The following ADK variants were observed in gnomAD, a reference collection of about 807,000 sequenced individuals.
The protein encoded by ADK is N6,N6-dimethyladenosine kinase.
In ADK, 24 loss-of-function variants were observed where a neutral mutation model predicts 44.7. The ratio of observed to expected loss-of-function variants is 0.54; its 90% CI spans 0.39 to 0.76. The LOEUF is 0.76. ADK is among the 30% of genes least tolerant of loss of function. ADK has a pLI of 0.00. For synonymous variants in ADK, 128 were observed against 142.6 expected, an observed-to-expected ratio of 0.90 and a Z score of 0.73; for missense variants, 321 against 425.1, an observed-to-expected ratio of 0.76 and a Z score of 2.15.
intron 7 of ADK, among the ~76,000 whole-genome samples, chr10:74,544,754 C>T (rs986122134): frequency 2.6e-5 from 4 of 151,692 alleles, no homozygotes; most frequent in African/African-American, 4.8e-5. Context: ...GCATGCTACT[C>T]GGGAGGCTGA....
At chr10:74,699,080 A>G (rs940969558) in intron 10 of ADK, among the ~76,000 whole-genome samples, 7 of 149,656 alleles carry the variant, frequency 4.7e-5, no homozygotes, top group Non-Finnish European at 8.9e-5. Context: ...CTGGGCTCAA[A>G]TGATTCTCCC....
At chr10:74,658,080 A>C (rs1854557013) in intron 9 of ADK, among the ~76,000 whole-genome samples, 1 of 152,232 alleles carries the variant, frequency 6.6e-6, no homozygotes, top group African/African-American at 2.4e-5. Flanking sequence ...TTTGAACAAT[A>C]GGCTGGATTC....
chr10:74,571,651 T>C (rs1385312778), intron 7 of ADK, among the ~76,000 whole-genome samples: 2 of 152,218 alleles, frequency 1.3e-5, no homozygotes, highest in African/African-American at 4.8e-5. Context: ...TATTTTTTAT[T>C]GCGTCTATTT....
intron 2 of ADK, among the ~76,000 whole-genome samples, chr10:74,223,120 T>A (rs529286990): frequency 6.6e-6 from 1 of 152,330 alleles, no homozygotes; most frequent in South Asian, 2.1e-4. Context: ...CTTACAGTTA[T>A]GGAGGTTGAG....
chr10:74,557,565 CCTT>C (rs1850305939), intron 7 of ADK, among the ~76,000 whole-genome samples: 1 of 151,946 alleles, frequency 6.6e-6, no homozygotes, highest in East Asian at 1.9e-4. Flanking sequence ...TAAAATATGT[CCTT>C]CTAGACATAT....
At chr10:74,462,912 A>G (rs1846220430) in intron 6 of ADK, among the ~76,000 whole-genome samples, 1 of 152,170 alleles carries the variant, frequency 6.6e-6, no homozygotes, top group Non-Finnish European at 1.5e-5. Flanking sequence ...TAAAATTTAG[A>G]ATAAACATGA....
chr10:74,336,248 CAT>C (rs1389559542), intron 4 of ADK, among the ~76,000 whole-genome samples: 2 of 152,076 alleles, frequency 1.3e-5, no homozygotes, highest in Non-Finnish European at 2.9e-5. Context: ...TTTGCTTTGG[CAT>C]ATGGATATCC....
intron 4 of ADK, among the ~76,000 whole-genome samples, chr10:74,359,320 A>C (rs1842248831): frequency 6.6e-6 from 1 of 151,938 alleles, no homozygotes. Flanking sequence ...GTTCCATATG[A>C]ATTTTAGGAT....
intron 3 of ADK, among the ~76,000 whole-genome samples, chr10:74,245,581 AG>A (rs770091257): frequency 1.5e-5 from 2 of 129,490 alleles, no homozygotes; most frequent in Non-Finnish European, 3.2e-5. Flanking sequence ...CTCATTCCAT[AG>A]TTTTTGTTTT....
chr10:74,509,059 G>A (rs1454512639), intron 6 of ADK, among the ~76,000 whole-genome samples: 2 of 152,086 alleles, frequency 1.3e-5, no homozygotes, highest in African/African-American at 4.8e-5. Context: ...TGAACTCCTG[G>A]CCTCACCCTA....
chr10:74,602,204 C>T (rs1337188044), intron 9 of ADK, among the ~76,000 whole-genome samples: 1 of 150,568 alleles, frequency 6.6e-6, no homozygotes, highest in Non-Finnish European at 1.5e-5. Context: ...ATTGTGATGG[C>T]AAGAAGAACC....
chr10:74,579,234 A>T (rs1339304171), intron 7 of ADK, among the ~76,000 whole-genome samples: 1 of 78,850 alleles, frequency 1.3e-5, no homozygotes, highest in African/African-American at 6.5e-5. Context: ...ACCCTGTCTT[A>T]AAAAAAAAAA....
At chr10:74,559,254 G>A (rs1045724583) in intron 7 of ADK, among the ~76,000 whole-genome samples, 1 of 152,264 alleles carries the variant, frequency 6.6e-6, no homozygotes, top group Non-Finnish European at 1.5e-5. Context: ...CGCAACCTGG[G>A]TTGTGGGGAC....
At chr10:74,320,120 A>G (rs1840759842) in intron 4 of ADK, among the ~76,000 whole-genome samples, 1 of 151,866 alleles carries the variant, frequency 6.6e-6, no homozygotes, top group South Asian at 2.1e-4. Context: ...AGCCTGAAGG[A>G]CTCTCTTTAG....
intron 1 of ADK, among the ~76,000 whole-genome samples, chr10:74,179,054 T>C (rs1842446642): frequency 1.3e-5 from 2 of 152,230 alleles, no homozygotes; most frequent in South Asian, 4.1e-4. Flanking sequence ...TTTTGCTTTC[T>C]TCTTATCCTG....
intron 3 of ADK, among the ~76,000 whole-genome samples, chr10:74,294,473 A>G (rs1021722355): frequency 5.3e-5 from 8 of 151,954 alleles, no homozygotes; most frequent in Non-Finnish European, 1.0e-4. Context: ...TTCTGGTAGA[A>G]ATGGGGTTTC....
At chr10:74,594,260 A>T (rs773988097) in intron 8 of ADK, among the ~76,000 whole-genome samples, 155 of 152,218 alleles carry the variant, frequency 1.0e-3, no homozygotes, top group Non-Finnish European at 1.5e-3. Flanking sequence ...GCTGCAGCAA[A>T]CCACCATGGC....
intron 4 of ADK, 148 bp downstream of exon 4, chr10:74,314,893 CAA>C (rs1840563331): frequency 1.1e-5 from 7 of 632,526 alleles, no homozygotes; most frequent in South Asian, 1.9e-5. Context: ...CACATCTAAT[CAA>C]AAGTTATTTT....
chr10:74,596,681 G>T (rs569713593), intron 8 of ADK, among the ~76,000 whole-genome samples: 1 of 152,164 alleles, frequency 6.6e-6, no homozygotes, highest in Admixed American at 6.5e-5. Context: ...AAGTAGCTGG[G>T]ACTATAGGCG....
Sources: gnomAD v4.1 joint callset for allele counts (sites outside exome capture counted in the v4.1 genomes callset) on GRCh38, gnomAD v4.1.1 for gene constraint, MANE v1.5 for transcripts, NCBI Gene and HGNC (gene_info 2026-07-23, HGNC 2026-07-21) for gene names.